CFAP299: variants seen among roughly 807,000 people sequenced by gnomAD.
CFAP299 encodes cilia and flagella associated protein 299.
A neutral mutation model predicts 27.0 loss-of-function variants in CFAP299; 21 were observed. The observed-to-expected ratio is 0.78, with a 90% CI of 0.55 to 1.12. The LOEUF is 1.12. CFAP299 is among the 50% of genes most tolerant of loss of function. CFAP299 has a pLI of 0.00. For missense variants in CFAP299, 310 were observed against 276.6 expected (o/e 1.12, Z -0.86); for synonymous variants, 104 against 98.1 (o/e 1.06, Z -0.36).
At chr4:80,797,695 A>T (rs1727949124) in intron 3 of CFAP299, among the ~76,000 whole-genome samples, 1 of 152,170 alleles carries the variant, frequency 6.6e-6, no homozygotes, top group African/African-American at 2.4e-5. Context: ...CTCTTCAAAG[A>T]TGCAGGTTCT....
intron 2 of CFAP299, among the ~76,000 whole-genome samples, chr4:80,527,473 A>G (rs1460386112): frequency 6.6e-6 from 1 of 152,118 alleles, no homozygotes; most frequent in Admixed American, 6.6e-5. Flanking sequence ...TATCACTTTC[A>G]TCATGTAACT....
At chr4:80,361,002 A>G (rs928537700) in intron 1 of CFAP299, among the ~76,000 whole-genome samples, 4 of 152,214 alleles carry the variant, frequency 2.6e-5, no homozygotes, top group African/African-American at 9.6e-5. Flanking sequence ...AACCTTGGGC[A>G]TTGTACTTCC....
rs190300158 is a variant in CFAP299, at chr4:80,905,421, A to G, written c.476+35286A>G. ...AACGTAGACTACAGGGCTGATTTCCATTGTGCCTTCTAATCATTAAAATAT... is the reference window on the plus strand; with the variant it reads ...AACGTAGACTACAGGGCTGATTTCCGTTGTGCCTTCTAATCATTAAAATAT... On this transcript the variant is annotated intron_variant, in intron 4 of 5. Transcript: ENST00000358105. Among the ~76,000 whole-genome samples, 438 of 152,244 alleles carry G rather than the reference A, an allele frequency of 2.9e-3. 1 individual carries two copies. Among genetic ancestry groups the G allele is most frequent in the African/African-American group, 0.01 (417 of 41,532 alleles).
At chr4:80,484,548 T>C (rs528682748) in intron 2 of CFAP299, among the ~76,000 whole-genome samples, 5 of 152,200 alleles carry the variant, frequency 3.3e-5, no homozygotes, top group Non-Finnish European at 7.4e-5. Flanking sequence ...GTGACTGTAA[T>C]GCCATAATAC....
chr4:80,714,082 C>G (rs1262199505), intron 3 of CFAP299, among the ~76,000 whole-genome samples: 7 of 152,050 alleles, frequency 4.6e-5, no homozygotes. Context: ...TGAATTTTAT[C>G]CTTCTGCCTA....
At chr4:80,816,904 C>T (rs1324804895) in intron 3 of CFAP299, among the ~76,000 whole-genome samples, 1 of 152,112 alleles carries the variant, frequency 6.6e-6, no homozygotes, top group Non-Finnish European at 1.5e-5. Context: ...TTGTGTTGGG[C>T]TGCATTCAAA....
At chr4:80,373,649 C>A (rs2110011835) in intron 2 of CFAP299, among the ~76,000 whole-genome samples, 1 of 152,282 alleles carries the variant, frequency 6.6e-6, no homozygotes, top group East Asian at 1.9e-4. Context: ...TAACTTTCTG[C>A]AGTGCCCTTG....
intron 2 of CFAP299, chr4:80,387,548 C>T: frequency 1.1e-6 from 1 of 916,542 alleles, no homozygotes; most frequent in Non-Finnish European, 1.8e-6. Flanking sequence ...CCTGTGTTTT[C>T]CTCATCCTCC....
At chr4:80,383,414 A>G (rs1382584774) in intron 2 of CFAP299, among the ~76,000 whole-genome samples, 2 of 152,208 alleles carry the variant, frequency 1.3e-5, no homozygotes, top group African/African-American at 2.4e-5. Flanking sequence ...CAACAAAACC[A>G]TTGAGCAGGT....
chr4:80,552,063 A>G (rs1355163416), intron 2 of CFAP299, among the ~76,000 whole-genome samples: 1 of 152,168 alleles, frequency 6.6e-6, no homozygotes, highest in African/African-American at 2.4e-5. Flanking sequence ...AGCTTTTAAA[A>G]GAGCTGAAAC....
Position 80,407,257 on chromosome 4 carries a change from G to A in CFAP299, c.242+44373G>A, listed in dbSNP as rs550921202. Among the ~76,000 whole-genome samples, 3 of 152,182 alleles carry A rather than the reference G, an allele frequency of 2.0e-5. No individual in the cohort carries two copies. In the South Asian group the frequency reaches 6.2e-4, roughly 32 times the overall value. ...AGGTGTATCAGTTATCTACGGTCAT[G>A]AAAATGCTGCATTAAACCTACCCCA... On this transcript the variant is annotated intron_variant, in intron 2 of 5. Coordinates refer to ENST00000358105, the MANE Select transcript of CFAP299 (RefSeq NM_152770.3).
chr4:80,407,142 T>C (rs1726470728), intron 2 of CFAP299, among the ~76,000 whole-genome samples: 1 of 151,652 alleles, frequency 6.6e-6, no homozygotes, highest in African/African-American at 2.4e-5. Flanking sequence ...TCAAGCAATG[T>C]CAATGAATGA....
At position 80,514,421 on chromosome 4, in the gene CFAP299, A is replaced by G. The variant is rs1432169142; in HGVS notation, c.243-68672A>G. 2.6e-5 allele frequency among the ~76,000 whole-genome samples: 4 copies of G among 152,236 alleles called. No individual in the cohort carries two copies. In the East Asian group the frequency reaches 7.7e-4, roughly 29 times the overall value. On this transcript the variant is annotated intron_variant, in intron 2 of 5. Coordinates refer to ENST00000358105, the MANE Select transcript of CFAP299 (RefSeq NM_152770.3). ...GTCCATAATAGCATGATGGGAAAAG[A>G]GAAGGCCAAAAAACGCGTATATCTT... is the stretch of plus-strand genomic sequence containing the variant.
intron 3 of CFAP299, among the ~76,000 whole-genome samples, chr4:80,805,773 G>A (rs1728833215): frequency 6.6e-6 from 1 of 152,092 alleles, no homozygotes; most frequent in South Asian, 2.1e-4. Flanking sequence ...GCTCAGGAGG[G>A]TGAGGCAGGA....
At chr4:80,623,903 C>T (rs549408947) in intron 3 of CFAP299, among the ~76,000 whole-genome samples, 58 of 152,236 alleles carry the variant, frequency 3.8e-4, no homozygotes, top group African/African-American at 1.4e-3. Context: ...TCTAGACATC[C>T]CTTGTGGCAG....
intron 4 of CFAP299, among the ~76,000 whole-genome samples, chr4:80,906,350 A>G (rs1735186232): frequency 1.3e-5 from 2 of 152,090 alleles, no homozygotes; most frequent in East Asian, 1.9e-4. Context: ...GGCTGCTTTC[A>G]TGGGTTAGCA....
At chr4:80,851,270 T>A (rs190139397) in intron 3 of CFAP299, among the ~76,000 whole-genome samples, 14 of 152,278 alleles carry the variant, frequency 9.2e-5, no homozygotes, top group Admixed American at 7.2e-4. Flanking sequence ...AATTCCTTAT[T>A]AATTTAATCA....
intron 4 of CFAP299, among the ~76,000 whole-genome samples, chr4:80,921,489 G>A (rs1736041523): frequency 6.6e-6 from 1 of 151,990 alleles, no homozygotes; most frequent in Admixed American, 6.6e-5. Context: ...AGGAGAGCAT[G>A]AACAAGGGCA....
At chr4:80,795,054 G>A (rs1180973246) in intron 3 of CFAP299, among the ~76,000 whole-genome samples, 3 of 152,112 alleles carry the variant, frequency 2.0e-5, no homozygotes, top group Non-Finnish European at 2.9e-5. Flanking sequence ...GGATGGCTGG[G>A]GAAAGAAGCT....
Sources: allele counts gnomAD v4.1 joint callset (sites outside exome capture counted in the v4.1 genomes callset), GRCh38; gene constraint gnomAD v4.1.1; transcripts MANE v1.5; gene names NCBI Gene and HGNC (gene_info 2026-07-23, HGNC 2026-07-21).